Variants in PCLO observed in about 807,000 individuals in gnomAD.
PCLO encodes protein piccolo.
Under a neutral mutation model 427.5 loss-of-function variants are expected in PCLO, and 82 were observed. The observed-to-expected ratio is 0.19, with a 90% confidence interval of 0.16 to 0.23. The LOEUF (loss-of-function observed/expected upper bound fraction) is 0.23. PCLO is among the 10% of genes least tolerant of loss of function. The pLI, the probability that PCLO is intolerant of heterozygous loss-of-function variation, is 1.00. For synonymous variants in PCLO, 2,357 were observed against 2,155.4 expected (o/e 1.09, Z -2.59); for missense variants, 6,239 against 6,115.9 (o/e 1.02, Z -0.67).
chr7:82,996,200 CA>C (rs1796492203), intron 3 of PCLO, among the ~76,000 whole-genome samples: 1 of 151,428 alleles, frequency 6.6e-6, no homozygotes, highest in African/African-American at 2.4e-5. Context: ...TAAGATTTAC[CA>C]AAATATTAAT....
At chr7:83,037,989 T>TCATATATATA (rs1788837813) in intron 3 of PCLO, among the ~76,000 whole-genome samples, 1 of 13,586 alleles carries the variant, frequency 7.4e-5, no homozygotes, top group African/African-American at 2.7e-4. Context: ...AAGGAGGAGC[T>TCATATATATA]TATATATATA....
chr7:83,048,773 T>G (rs1000371013), intron 3 of PCLO, among the ~76,000 whole-genome samples: 2 of 152,132 alleles, frequency 1.3e-5, no homozygotes, highest in Non-Finnish European at 2.9e-5. Flanking sequence ...TATTCTCACC[T>G]ACTGATGGTT....
chr7:83,028,663 C>G (rs1788572477), intron 3 of PCLO, among the ~76,000 whole-genome samples: 1 of 150,062 alleles, frequency 6.7e-6, no homozygotes, highest in Non-Finnish European at 1.5e-5. Context: ...AATCCTAAGC[C>G]AAAAGAACAA....
chr7:82,845,063 A>G (rs1410088018), intron 13 of PCLO, among the ~76,000 whole-genome samples: 4 of 152,172 alleles, frequency 2.6e-5, no homozygotes, highest in Non-Finnish European at 5.9e-5. Flanking sequence ...CTACTGAAAT[A>G]TTTAAAAGAT....
At position 82,810,221 on chromosome 7, in the gene PCLO, C is replaced by A. The variant is rs572597198; in HGVS notation, c.14792-4392G>T. ...TTCCATAATTTTATAATTTCAAAAT[C>A]AAAAATTTAGAAATATTCAACTTCT... is the stretch of plus-strand genomic sequence containing the variant. On this transcript the variant is annotated intron_variant, in intron 20 of 24. Coordinates refer to ENST00000333891, the MANE Select transcript of PCLO (RefSeq NM_033026.6). Among the ~76,000 whole-genome samples, 74 of 151,544 alleles carry A rather than the reference C, an allele frequency of 4.9e-4. 1 individual carries two copies. Among genetic ancestry groups the A allele is most frequent in the African/African-American group, 1.4e-3 (60 of 41,462 alleles).
chr7:82,855,444 C>T (rs1168508447), intron 10 of PCLO, among the ~76,000 whole-genome samples: 3 of 152,046 alleles, frequency 2.0e-5, no homozygotes, highest in Non-Finnish European at 2.9e-5. Context: ...TGCTAGCCTA[C>T]CTGAAGGCAA....
intron 3 of PCLO, among the ~76,000 whole-genome samples, chr7:83,084,353 C>G (rs183370237): frequency 1.4e-3 from 206 of 152,056 alleles, no homozygotes; most frequent in African/African-American, 4.7e-3. Flanking sequence ...AGCCCGGTAG[C>G]AGGAGATTGG....
chr7:83,161,624 C>T (rs772728217), intron 1 of PCLO, among the ~76,000 whole-genome samples: 2 of 152,162 alleles, frequency 1.3e-5, no homozygotes, highest in Admixed American at 6.5e-5. Flanking sequence ...AAATTATTTT[C>T]TAAGGTAATA....
intron 24 of PCLO, 135 bp downstream of exon 24, chr7:82,760,504 G>A (rs748148448): frequency 4.0e-4 from 201 of 501,444 alleles, no homozygotes; most frequent in Non-Finnish European, 9.4e-5. Context: ...TTCCTGGGGA[G>A]ATACTGCTGA....
intron 20 of PCLO, among the ~76,000 whole-genome samples, chr7:82,817,251 T>A (rs1051425988): frequency 8.5e-5 from 13 of 152,168 alleles, no homozygotes; most frequent in Admixed American, 2.6e-4. Context: ...GTTTAAAAAA[T>A]TTTTTTGCAC....
intron 3 of PCLO, among the ~76,000 whole-genome samples, chr7:83,111,279 C>T (rs995527552): frequency 6.6e-6 from 1 of 152,202 alleles, no homozygotes; most frequent in African/African-American, 2.4e-5. Flanking sequence ...CTGGAATACA[C>T]ACCTTGTTTA....
chr7:83,023,045 C>G (rs1788385195), intron 3 of PCLO, among the ~76,000 whole-genome samples: 1 of 152,102 alleles, frequency 6.6e-6, no homozygotes, highest in Non-Finnish European at 1.5e-5. Context: ...TATATCAAAT[C>G]TGTACATGTA....
intron 3 of PCLO, among the ~76,000 whole-genome samples, chr7:83,117,288 G>C (rs1259097444): frequency 6.6e-6 from 1 of 152,184 alleles, no homozygotes; most frequent in Non-Finnish European, 1.5e-5. Flanking sequence ...CCAAGAGTAA[G>C]AGTGGTTGCC....
rs1232335382 is a variant in PCLO at position 82,960,507 on chromosome 7, G to A, written c.4018-3572C>T. On this transcript the variant is annotated intron_variant, in intron 4 of 24. Coordinates refer to ENST00000333891, the MANE Select transcript of PCLO (RefSeq NM_033026.6). The stretch of plus-strand genomic sequence containing the variant: ...ATGTTCCAAGTTTGGTTTCTATGAG[G>A]AGAGTATTTTCGTGTACTATATCAA... Among the ~76,000 whole-genome samples, 4 of 152,258 alleles carry A rather than the reference G, an allele frequency of 2.6e-5. No homozygotes were observed. In the East Asian group the frequency reaches 7.7e-4, roughly 29 times the overall value.
chr7:82,969,908 T>A (rs1053798046), intron 3 of PCLO, among the ~76,000 whole-genome samples: 2 of 152,138 alleles, frequency 1.3e-5, no homozygotes, highest in African/African-American at 4.8e-5. Flanking sequence ...TGTTAATAAA[T>A]TGTGAATGTG....
chr7:83,096,008 G>C (rs75780528), intron 3 of PCLO, among the ~76,000 whole-genome samples: 3,011 of 151,646 alleles, frequency 0.02, 114 homozygotes, highest in African/African-American at 0.07. Flanking sequence ...AAATCGGGGA[G>C]TTTATATCAC....
intron 3 of PCLO, among the ~76,000 whole-genome samples, chr7:83,122,306 T>TA (rs1791304662): frequency 1.0e-5 from 1 of 99,688 alleles, no homozygotes; most frequent in Non-Finnish European, 2.0e-5. Context: ...TTTTTTTTTT[T>TA]ATGGTGTTTT....
chr7:83,005,763 T>C (rs1416819763), intron 3 of PCLO, among the ~76,000 whole-genome samples: 1 of 151,534 alleles, frequency 6.6e-6, no homozygotes, highest in African/African-American at 2.4e-5. Flanking sequence ...AAAAGCTGGG[T>C]TAGGGGAAGC....
rs1455736345 is a variant in PCLO at position 82,952,481 on chromosome 7, G to A, written c.8472C>T (p.Leu2824=). The change falls in exon 5 of 25, where the codon CTC becomes CTT. Residue 2824 remains leucine, a synonymous_variant. Transcript: ENST00000333891. Reference sequence around the variant, plus strand: ...CAGCATGCTTTGATGTTGTAAGTTGGAGTGGTGTTGTCATTGCATGTTCTG... The same window carrying A: ...CAGCATGCTTTGATGTTGTAAGTTGAAGTGGTGTTGTCATTGCATGTTCTG... ...VGAEHAMTTP[L]QLTTSKHAEP... is the part of the protein sequence containing the mutation. 2 of 1,613,742 alleles carry A rather than the reference G, an allele frequency of 1.2e-6. No individual in the cohort carries two copies. The highest frequency in any genetic ancestry group is 1.7e-6 in the Non-Finnish European group (2 of 1,179,818).
Sources: gnomAD v4.1 joint callset for allele counts (sites outside exome capture counted in the v4.1 genomes callset) on GRCh38, gnomAD v4.1.1 for gene constraint, MANE v1.5 for transcripts, NCBI Gene and HGNC (gene_info 2026-07-23, HGNC 2026-07-21) for gene names.